CAMKMT: variants seen among roughly 807,000 people sequenced by gnomAD.
CAMKMT encodes calmodulin-lysine N-methyltransferase.
Under a neutral mutation model 48.0 loss-of-function variants are expected in CAMKMT, and 53 were observed. The observed-to-expected ratio is 1.10, with a 90% confidence interval of 0.89 to 1.39. The LOEUF is 1.39. Among genes scored for constraint, CAMKMT ranks in the 40% most tolerant of loss-of-function variants. The probability of loss-of-function intolerance (pLI) is 0.00; values close to 1 mark genes in which losing one functional copy is unlikely to be tolerated. For synonymous variants in CAMKMT, 165 were observed against 152.3 expected, an observed-to-expected ratio of 1.08 and a Z score of -0.61; for missense variants, 428 against 402.7, an observed-to-expected ratio of 1.06 and a Z score of -0.54.
chr2:44,511,673 G>A (rs1670564253), intron 3 of CAMKMT, among the ~76,000 whole-genome samples: 1 of 152,176 alleles, frequency 6.6e-6, no homozygotes, highest in African/African-American at 2.4e-5. Flanking sequence ...TTATCTGAAA[G>A]TAAAAAGGTA....
intron 3 of CAMKMT, among the ~76,000 whole-genome samples, chr2:44,479,889 G>A (rs1188862850): frequency 6.6e-6 from 1 of 152,130 alleles, no homozygotes; most frequent in Non-Finnish European, 1.5e-5. Flanking sequence ...AAATTATGAA[G>A]TATAAATTTT....
chr2:44,362,041 G>C lies in CAMKMT; in HGVS notation c.34G>C (p.Glu12Gln), dbSNP rs747693462. 8 of 1,427,292 alleles carry C rather than the reference G, an allele frequency of 5.6e-6. No homozygotes were observed. Among genetic ancestry groups the C allele is most frequent in the Non-Finnish European group, 7.3e-6 (8 of 1,096,298 alleles). The allele number at this position is 1,427,292 out of a possible 1,614,324, so 88.4% of individuals were successfully genotyped here. A position where few individuals can be genotyped will look rare whatever the true frequency, so the allele number is the denominator to read the frequency against. The change falls in exon 1 of 11, where the codon GAG becomes CAG. Residue 12 changes from glutamate (E) to glutamine (Q), a missense_variant. Transcript: ENST00000378494. Reference protein sequence around the residue: ...ESRVADAGTGETARAAGGSPA... With the variant: ...ESRVADAGTGQTARAAGGSPA... The stretch of plus-strand genomic sequence containing the variant: ...GCGAGTCGCGGACGCTGGGACCGGC[G>C]AGACCGCGCGAGCAGCGGGCGGGAG...
intron 2 of CAMKMT, among the ~76,000 whole-genome samples, chr2:44,388,373 G>A (rs1680981016): frequency 6.6e-6 from 1 of 152,008 alleles, no homozygotes; most frequent in Non-Finnish European, 1.5e-5. Context: ...TTTTCTTAAT[G>A]CTATCTATTT....
At chr2:44,486,027 C>T (rs1017392449) in intron 3 of CAMKMT, among the ~76,000 whole-genome samples, 7 of 152,086 alleles carry the variant, frequency 4.6e-5, no homozygotes, top group South Asian at 2.1e-4. Flanking sequence ...TGCAGTGGTG[C>T]GGTCTCAGCC....
At chr2:44,526,501 G>T (rs1429336577) in intron 3 of CAMKMT, among the ~76,000 whole-genome samples, 1 of 152,150 alleles carries the variant, frequency 6.6e-6, no homozygotes, top group Non-Finnish European at 1.5e-5. Context: ...TCCAGTCCAG[G>T]CCCTAGGGAC....
At chr2:44,564,047 C>T (rs1668478686) in intron 3 of CAMKMT, among the ~76,000 whole-genome samples, 1 of 152,124 alleles carries the variant, frequency 6.6e-6, no homozygotes, top group Non-Finnish European at 1.5e-5. Context: ...TGAGGAATCG[C>T]CAAACTGTCT....
In CAMKMT at chr2:44,686,131, C is replaced by T. The variant is rs2945041; in HGVS notation, c.377-18152C>T. 6.1e-4 allele frequency among the ~76,000 whole-genome samples: 93 copies of T among 152,236 alleles called. No individual in the cohort carries two copies. The South Asian group carries it at 0.016, about 26-fold the overall frequency. The stretch of plus-strand genomic sequence containing the variant: ...AGCCTTGGCCAGGCCCAGTGGCTCA[C>T]GCCTGTAATCCCAGCACTTTGGGAG... On this transcript the variant is annotated intron_variant, in intron 3 of 10. Transcript: ENST00000378494.
chr2:44,751,394 G>A (rs142318328), intron 8 of CAMKMT, among the ~76,000 whole-genome samples: 4 of 152,312 alleles, frequency 2.6e-5, no homozygotes, highest in African/African-American at 9.6e-5. Flanking sequence ...CTGCCAATTA[G>A]TAGCTGTGTG....
At chr2:44,520,663 T>C (rs1259704100) in intron 3 of CAMKMT, among the ~76,000 whole-genome samples, 1 of 152,204 alleles carries the variant, frequency 6.6e-6, no homozygotes, top group East Asian at 1.9e-4. Flanking sequence ...TGTATTATCC[T>C]GAATTATGCA....
intron 3 of CAMKMT, among the ~76,000 whole-genome samples, chr2:44,672,003 G>A (rs1221424216): frequency 1.3e-5 from 2 of 152,052 alleles, no homozygotes; most frequent in Non-Finnish European, 2.9e-5. Flanking sequence ...TGCGATTATA[G>A]AAAATCATGC....
chr2:44,625,889 AC>A (rs139176785), intron 3 of CAMKMT, among the ~76,000 whole-genome samples: 2,831 of 152,244 alleles, frequency 0.019, 73 homozygotes, highest in African/African-American at 0.059. Context: ...TTATGCCAAT[AC>A]CATACTGTTT....
chr2:44,549,742 T>C (rs1456320007), intron 3 of CAMKMT: 3 of 495,938 alleles, frequency 6.0e-6, no homozygotes, highest in African/African-American at 2.0e-5. Flanking sequence ...AGTAAGCCTA[T>C]GTCCTACATG....
chr2:44,364,896 C>A (rs1045555406), intron 1 of CAMKMT, among the ~76,000 whole-genome samples: 1 of 152,048 alleles, frequency 6.6e-6, no homozygotes, highest in African/African-American at 2.4e-5. Context: ...CATTTTAAAC[C>A]CCTGCTCACA....
intron 3 of CAMKMT, among the ~76,000 whole-genome samples, chr2:44,459,092 T>A (rs1667722675): frequency 6.6e-6 from 1 of 152,086 alleles, no homozygotes; most frequent in South Asian, 2.1e-4. Flanking sequence ...CTGTAGACAT[T>A]TCTAAGTGGG....
At position 44,681,928 on chromosome 2, in the gene CAMKMT, G is replaced by A. The variant is rs150350160; in HGVS notation, c.377-22355G>A. On this transcript the variant is annotated intron_variant, in intron 3 of 10. Transcript: ENST00000378494. Reference sequence around the variant, plus strand: ...TATACATGTGACTGTCTTTAGAATCGTTACTGCTAATTAAAGAAGTTACTA... The same window carrying A: ...TATACATGTGACTGTCTTTAGAATCATTACTGCTAATTAAAGAAGTTACTA... Among the ~76,000 whole-genome samples, 13 of 152,236 alleles carry A rather than the reference G, an allele frequency of 8.5e-5. No homozygotes were observed. The East Asian group carries it at 2.3e-3, about 27-fold the overall frequency.
At chr2:44,464,316 AAAAGT>A (rs1261612692) in intron 3 of CAMKMT, among the ~76,000 whole-genome samples, 1 of 152,200 alleles carries the variant, frequency 6.6e-6, no homozygotes, top group African/African-American at 2.4e-5. Context: ...AAGAATGAAG[AAAAGT>A]AAAGAAAGCC....
chr2:44,489,330 C>T (rs1669372829), intron 3 of CAMKMT, among the ~76,000 whole-genome samples: 1 of 148,486 alleles, frequency 6.7e-6, no homozygotes, highest in South Asian at 2.1e-4. Flanking sequence ...ACTGCAATCT[C>T]TGCCTCCCAG....
intron 1 of CAMKMT, among the ~76,000 whole-genome samples, chr2:44,366,640 G>T (rs1475202263): frequency 6.6e-6 from 1 of 152,088 alleles, no homozygotes; most frequent in African/African-American, 2.4e-5. Context: ...AGGTTGTTTT[G>T]AGTATTTGAG....
At chr2:44,384,699 A>G (rs1680608573) in intron 2 of CAMKMT, among the ~76,000 whole-genome samples, 1 of 151,948 alleles carries the variant, frequency 6.6e-6, no homozygotes, top group South Asian at 2.1e-4. Flanking sequence ...CTCTGCATAT[A>G]GCTAGCCAAT....
Sources: gnomAD v4.1 joint callset for allele counts (sites outside exome capture counted in the v4.1 genomes callset) on GRCh38, gnomAD v4.1.1 for gene constraint, MANE v1.5 for transcripts, NCBI Gene and HGNC (gene_info 2026-07-23, HGNC 2026-07-21) for gene names.